Variants in FBXO42 observed in about 807,000 individuals in gnomAD.
FBXO42 encodes F-box only protein 42.
FBXO42 carries 12 observed loss-of-function variants against 71.7 expected under a neutral mutation model. The observed-to-expected ratio is 0.17, with a 90% CI of 0.11 to 0.27. FBXO42 has a LOEUF of 0.27. Ranked by LOEUF, FBXO42 falls within the 10% of genes least tolerant of loss-of-function variation. The pLI, the probability that FBXO42 is intolerant of heterozygous loss-of-function variation, is 1.00. For missense variants in FBXO42, 707 were observed against 911.9 expected, an observed-to-expected ratio of 0.78 and a Z score of 2.89; for synonymous variants, 325 against 327.5, an observed-to-expected ratio of 0.99 and a Z score of 0.08.
At chr1:16,309,969 GC>G (rs575916698) in intron 2 of FBXO42, among the ~76,000 whole-genome samples, 1 of 151,954 alleles carries the variant, frequency 6.6e-6, no homozygotes, top group Non-Finnish European at 1.5e-5. Flanking sequence ...GCCAAGGCAG[GC>G]AGATCACAAG....
At chr1:16,308,679 GT>G (rs1437880019) in intron 2 of FBXO42, among the ~76,000 whole-genome samples, 1 of 145,404 alleles carries the variant, frequency 6.9e-6, no homozygotes, top group African/African-American at 2.6e-5. Flanking sequence ...CTGTTTTTTT[GT>G]TTGTTTGTTT....
intron 4 of FBXO42, among the ~76,000 whole-genome samples, chr1:16,288,924 C>G (rs2082049932): frequency 6.6e-6 from 1 of 150,770 alleles, no homozygotes; most frequent in Non-Finnish European, 1.5e-5. Flanking sequence ...CACCATCATA[C>G]TCCAGCCTGG....
chr1:16,278,367 A>C (rs1426925606), intron 4 of FBXO42, among the ~76,000 whole-genome samples: 1 of 152,020 alleles, frequency 6.6e-6, no homozygotes, highest in East Asian at 1.9e-4. Flanking sequence ...CAAAAAAAAA[A>C]ACAAAAAACA....
chr1:16,270,787 CACACAT>C (rs1181578531), intron 4 of FBXO42, among the ~76,000 whole-genome samples: 10 of 148,212 alleles, frequency 6.7e-5, no homozygotes, highest in African/African-American at 2.3e-4. Context: ...CACACACACA[CACACAT>C]ATAAAATTCC....
chr1:16,256,471 A>AT (rs1215793270), intron 5 of FBXO42, 135 bp downstream of exon 5: 6 of 913,146 alleles, frequency 6.6e-6, no homozygotes, highest in Non-Finnish European at 6.5e-6. Flanking sequence ...GAATATGTGC[A>AT]TTTTTCCCCT....
chr1:16,274,357 G>A (rs1288045006), intron 4 of FBXO42, among the ~76,000 whole-genome samples: 1 of 151,770 alleles, frequency 6.6e-6, no homozygotes, highest in South Asian at 2.1e-4. Flanking sequence ...ACAGAACAAA[G>A]CCACAGTGTT....
At chr1:16,292,328 T>C (rs2100526655) in intron 4 of FBXO42, 1 of 152,356 alleles carries the variant, frequency 6.6e-6, no homozygotes, top group South Asian at 2.1e-4. Flanking sequence ...TCTTTCTTTG[T>C]TTCTTTTTTT....
chr1:16,297,053 C>A (rs1376165386), intron 3 of FBXO42, among the ~76,000 whole-genome samples: 10 of 151,830 alleles, frequency 6.6e-5, no homozygotes, highest in African/African-American at 1.9e-4. Context: ...ATTCTTCTGC[C>A]TCAGTCTCCC....
chr1:16,336,771 G>C (rs1018546649), intron 1 of FBXO42, among the ~76,000 whole-genome samples: 2 of 149,606 alleles, frequency 1.3e-5, no homozygotes, highest in Non-Finnish European at 3.0e-5. Context: ...ATCACCTAAG[G>C]TCAGGAGTTC....
At chr1:16,317,657 C>T (rs1024924568) in intron 1 of FBXO42, among the ~76,000 whole-genome samples, 13 of 151,888 alleles carry the variant, frequency 8.6e-5, no homozygotes, top group Non-Finnish European at 1.5e-4. Context: ...GGCACAGTGG[C>T]TCATGCCTAT....
intron 3 of FBXO42, among the ~76,000 whole-genome samples, chr1:16,296,668 A>C (rs1281741580): frequency 2.2e-5 from 3 of 137,896 alleles, no homozygotes; most frequent in South Asian, 2.4e-4. Context: ...AAAAAAAAAA[A>C]CAAAAACAAA....
chr1:16,258,425 C>T (rs1362679830), intron 4 of FBXO42, among the ~76,000 whole-genome samples: 2 of 150,868 alleles, frequency 1.3e-5, no homozygotes, highest in Non-Finnish European at 1.5e-5. Flanking sequence ...GGCACAATTA[C>T]GGCTCACTGC....
intron 2 of FBXO42, among the ~76,000 whole-genome samples, chr1:16,308,971 G>C (rs1483354667): frequency 1.4e-5 from 2 of 147,302 alleles, no homozygotes; most frequent in African/African-American, 5.0e-5. Context: ...TCAAACTCCT[G>C]ATCTCAAGTG....
intron 2 of FBXO42, among the ~76,000 whole-genome samples, chr1:16,312,830 T>C (rs193035804): frequency 2.4e-4 from 36 of 151,750 alleles, no homozygotes; most frequent in Non-Finnish European, 3.8e-4. Flanking sequence ...AATCTCTGTC[T>C]GTCATCCAGA....
intron 4 of FBXO42, chr1:16,292,454 C>G (rs974074458): frequency 1.3e-5 from 2 of 152,226 alleles, no homozygotes; most frequent in African/African-American, 4.8e-5. Context: ...CCATGCCTGG[C>G]TAATTTTTTG....
intron 2 of FBXO42, among the ~76,000 whole-genome samples, chr1:16,310,119 C>T (rs937558820): frequency 2.7e-5 from 4 of 147,482 alleles, no homozygotes; most frequent in African/African-American, 5.0e-5. Flanking sequence ...GGCGTGAACC[C>T]GGGAGAGGAG....
In FBXO42 at chr1:16,251,067, C is replaced by A; in HGVS notation, c.1757G>T (p.Gly586Val). Residue 586 changes from glycine to valine, a missense_variant, in exon 10 of 10, where the codon GGC becomes GTC. Gly to Val is a moderately radical substitution (Grantham distance 109, BLOSUM62 -3). Around this residue, in one of 5 missense-constraint regions of FBXO42, gnomAD observed 482 missense variants for 587.1 expected, o/e 0.82. Transcript: ENST00000375592. The surrounding 1 kb of genome is among the most constrained non-coding windows in gnomAD (Gnocchi z 4.5). ...GCTCAAACTCTGGCTCCCAGGAGAGCCTGGAGAAGACCCAAGAGGAGGACT... is the reference window on the plus strand; with the variant it reads ...GCTCAAACTCTGGCTCCCAGGAGAGACTGGAGAAGACCCAAGAGGAGGACT... ...ALSPPLGSSP[G>V]SPGSQSLSSG... The A allele has an allele frequency of 6.2e-7, 1 of 1,614,144 alleles. No homozygotes were observed. The highest frequency in any genetic ancestry group is 8.5e-7 in the Non-Finnish European group (1 of 1,180,046).
At position 16,247,614 on chromosome 1, in the gene FBXO42, G is replaced by T. The variant is rs1217731690; in HGVS notation, c.*3056C>A. 1 of 152,098 alleles carries T rather than the reference G, an allele frequency of 6.6e-6. No individual in the cohort carries two copies. Among genetic ancestry groups the T allele is most frequent in the African/African-American group, 2.4e-5 (1 of 41,390 alleles). 9.4% of individuals were successfully genotyped at this position (152,098 alleles called of 1,614,324 possible). On this transcript the variant is annotated 3_prime_UTR_variant, in exon 10 of 10. Transcript: ENST00000375592. ...TTCCTAGAATAGTTCATGGTTTTCA[G>T]CTGTTGCTGTAAAACTCGAACATTA...
At chr1:16,296,696 TCA>T (rs918108147) in intron 3 of FBXO42, among the ~76,000 whole-genome samples, 11 of 151,520 alleles carry the variant, frequency 7.3e-5, no homozygotes, top group East Asian at 1.9e-4. Flanking sequence ...AACAAGAAAT[TCA>T]CAGATTCATT....
Sources: allele counts gnomAD v4.1 joint callset (sites outside exome capture counted in the v4.1 genomes callset), GRCh38; gene constraint gnomAD v4.1.1; regional missense constraint gnomAD v4.1.1; non-coding constraint Gnocchi (gnomAD v3.1); transcripts MANE v1.5; gene names NCBI Gene and HGNC (gene_info 2026-07-23, HGNC 2026-07-21).